MCC: variants seen among roughly 807,000 people sequenced by gnomAD.
MCC encodes colorectal mutant cancer protein.
Under a neutral mutation model 116.2 loss-of-function variants are expected in MCC, and 90 were observed. The ratio of observed to expected loss-of-function variants is 0.77; its 90% CI spans 0.65 to 0.92. The LOEUF (loss-of-function observed/expected upper bound fraction) is 0.92, where lower values mean the gene tolerates loss of function less well. MCC is among the 40% of genes least tolerant of loss of function. MCC has a pLI of 0.00. For missense variants in MCC, 1,516 were observed against 1,312.2 expected, an observed-to-expected ratio of 1.16 and a Z score of -2.40; for synonymous variants, 578 against 510.5, an observed-to-expected ratio of 1.13 and a Z score of -1.78.
At chr5:113,203,297 C>T (rs1308067740) in intron 3 of MCC, 1 of 152,396 alleles carries the variant, frequency 6.6e-6, no homozygotes, top group Non-Finnish European at 1.5e-5. Flanking sequence ...GGTGGAGGCA[C>T]AGTCCGGGGT....
chr5:113,134,205 C>A (rs1758650932), intron 5 of MCC, among the ~76,000 whole-genome samples: 1 of 152,124 alleles, frequency 6.6e-6, no homozygotes, highest in African/African-American at 2.4e-5. Flanking sequence ...TTTGATAGTT[C>A]AGGTCTTATG....
chr5:113,214,394 C>T (rs78185794), intron 3 of MCC, among the ~76,000 whole-genome samples: 5,711 of 152,272 alleles, frequency 0.038, 127 homozygotes, highest in Non-Finnish European at 0.039. Flanking sequence ...AGTTGCCTTG[C>T]GTGTTCATTC....
At chr5:113,292,858 TCTC>T (rs973960942) in intron 3 of MCC, among the ~76,000 whole-genome samples, 12 of 152,166 alleles carry the variant, frequency 7.9e-5, no homozygotes, top group Non-Finnish European at 1.5e-4. Flanking sequence ...ACCAAAGGCT[TCTC>T]CTGAAACAGG....
chr5:113,226,883 T>C lies in MCC; in HGVS notation c.628-75461A>G, dbSNP rs1039798157. Among the ~76,000 whole-genome samples the C allele has an allele frequency of 2.4e-4, 36 of 152,336 alleles. 1 individual carries two copies. Among genetic ancestry groups the C allele is most frequent in the African/African-American group, 8.4e-4 (35 of 41,600 alleles). ...AAACTCTGTTTCTGCTATTAACCAG[T>C]TGAATGATTTCAACTTGGTTATTTT... On this transcript the variant is annotated intron_variant, in intron 3 of 18. Transcript: ENST00000408903.
At chr5:113,214,165 T>C (rs2150325127) in intron 3 of MCC, among the ~76,000 whole-genome samples, 1 of 152,314 alleles carries the variant, frequency 6.6e-6, no homozygotes, top group East Asian at 1.9e-4. Context: ...CAGCTCCAAC[T>C]TCAGCCATGA....
intron 4 of MCC, among the ~76,000 whole-genome samples, chr5:113,144,603 T>G (rs552763792): frequency 6.5e-4 from 99 of 152,160 alleles, no homozygotes; most frequent in Non-Finnish European, 1.1e-3. Context: ...AACTGAACAT[T>G]ATACTAAGCC....
At chr5:113,305,280 G>T (rs1766961697) in intron 3 of MCC, among the ~76,000 whole-genome samples, 1 of 152,146 alleles carries the variant, frequency 6.6e-6, no homozygotes, top group African/African-American at 2.4e-5. Context: ...TGTTTTGCAT[G>T]ATTATCACAT....
At chr5:113,082,427 A>G (rs1196647972) in intron 11 of MCC, among the ~76,000 whole-genome samples, 1 of 151,810 alleles carries the variant, frequency 6.6e-6, no homozygotes, top group African/African-American at 2.4e-5. Flanking sequence ...ACATTCCAGA[A>G]CTCCCTTCTG....
intron 9 of MCC, 131 bp downstream of exon 9, chr5:113,085,033 C>G (rs760722321): frequency 2.1e-5 from 26 of 1,248,474 alleles, no homozygotes; most frequent in Non-Finnish European, 2.8e-5. Flanking sequence ...AGAAGGCCTG[C>G]GTAAGGTCCC....
At chr5:113,293,926 A>AC (rs1241539458) in intron 3 of MCC, among the ~76,000 whole-genome samples, 2 of 151,436 alleles carry the variant, frequency 1.3e-5, no homozygotes, top group Admixed American at 1.3e-4. Flanking sequence ...CACCACCACC[A>AC]CCCCCACCAA....
In MCC at chr5:113,023,307, C is replaced by G. The variant is rs1233307978; in HGVS notation, c.*3995G>C. The G allele has an allele frequency of 6.6e-6, 1 of 152,176 alleles. No homozygotes were observed. The highest frequency in any genetic ancestry group is 1.9e-4 in the East Asian group (1 of 5,198). The allele number at this position is 152,176 out of a possible 1,614,324, so 9.4% of individuals were successfully genotyped here. A position where few individuals can be genotyped will look rare whatever the true frequency, so the allele number is the denominator to read the frequency against. On this transcript the variant is annotated 3_prime_UTR_variant, in exon 19 of 19. Coordinates refer to ENST00000408903, the MANE Select transcript of MCC (RefSeq NM_001085377.2). ...ACTTTTGTTTTGTAACCAGTTACGC[C>G]TCTTCTGTAAACTCTATAAGAGTGC...
In MCC at chr5:113,079,424, T is replaced by C. The variant is rs187134021; in HGVS notation, c.1784+3436A>G. On this transcript the variant is annotated intron_variant, in intron 11 of 18. Coordinates refer to ENST00000408903, the MANE Select transcript of MCC (RefSeq NM_001085377.2). ...TTCAAACTATACTACAAGGCCACAG[T>C]AACCAAAACAGCATGGTACTGGTAC... is the stretch of plus-strand genomic sequence containing the variant. Among the ~76,000 whole-genome samples the C allele has an allele frequency of 2.1e-3, 325 of 152,302 alleles. 2 individuals carry two copies. Among genetic ancestry groups the C allele is most frequent in the Non-Finnish European group, 2.3e-3 (157 of 68,024 alleles).
At chr5:113,396,840 TTTC>T (rs1296125582) in intron 1 of MCC, among the ~76,000 whole-genome samples, 2 of 152,186 alleles carry the variant, frequency 1.3e-5, no homozygotes, top group Non-Finnish European at 2.9e-5. Context: ...TGAATAGCAA[TTTC>T]TTCTTTTGCT....
intron 1 of MCC, among the ~76,000 whole-genome samples, chr5:113,398,237 G>T (rs1189065249): frequency 1.3e-5 from 2 of 152,204 alleles, no homozygotes; most frequent in Non-Finnish European, 2.9e-5. Context: ...CTGTTGGTGG[G>T]AATGTAAATT....
intron 3 of MCC, among the ~76,000 whole-genome samples, chr5:113,154,677 C>A (rs552420514): frequency 1.3e-5 from 2 of 152,232 alleles, no homozygotes; most frequent in South Asian, 4.1e-4. Context: ...GTGAGCGATG[C>A]TACATGAAGG....
At chr5:113,471,366 T>C (rs1045122865) in intron 1 of MCC, among the ~76,000 whole-genome samples, 2 of 152,196 alleles carry the variant, frequency 1.3e-5, no homozygotes, top group African/African-American at 4.8e-5. Context: ...GTGGATGTCC[T>C]GTTTGTTAGT....
Position 113,434,768 on chromosome 5 carries a change from T to G in MCC, c.171-49556A>C, listed in dbSNP as rs771897050. ...GCTCAGAGTAAGCAGATTTTACTTTTGCATAGGAGCCCTCTCCTAAATTTA... is the reference window on the plus strand; with the variant it reads ...GCTCAGAGTAAGCAGATTTTACTTTGGCATAGGAGCCCTCTCCTAAATTTA... On this transcript the variant is annotated intron_variant, in intron 1 of 18. Coordinates refer to ENST00000408903, the MANE Select transcript of MCC (RefSeq NM_001085377.2). The surrounding 1 kb of genome is among the most constrained non-coding windows in gnomAD (Gnocchi z 4.2). 1 of 1,614,004 alleles carries G rather than the reference T, an allele frequency of 6.2e-7. No individual in the cohort carries two copies. The highest frequency in any genetic ancestry group is 8.5e-7 in the Non-Finnish European group (1 of 1,179,902).
intron 3 of MCC, among the ~76,000 whole-genome samples, chr5:113,279,497 C>T (rs530240859): frequency 6.6e-6 from 1 of 152,198 alleles, no homozygotes; most frequent in East Asian, 1.9e-4. Context: ...ATCATTCACC[C>T]CAGAAAAGCA....
intron 6 of MCC, among the ~76,000 whole-genome samples, chr5:113,107,221 C>CCT (rs1756795297): frequency 3.1e-5 from 3 of 97,172 alleles, no homozygotes; most frequent in African/African-American, 1.0e-4. Context: ...TTTTTTTTTT[C>CCT]TTTTTTTTTT....
Sources: allele counts gnomAD v4.1 joint callset (sites outside exome capture counted in the v4.1 genomes callset), GRCh38; gene constraint gnomAD v4.1.1; non-coding constraint Gnocchi (gnomAD v3.1); transcripts MANE v1.5; gene names NCBI Gene and HGNC (gene_info 2026-07-23, HGNC 2026-07-21).